Variants in RAD51C observed in about 807,000 individuals in gnomAD.
RAD51C encodes DNA repair protein RAD51 homolog 3.
In RAD51C, 42 loss-of-function variants were observed where a neutral mutation model predicts 45.0. The observed-to-expected ratio is 0.93, with a 90% CI of 0.73 to 1.21. RAD51C has a LOEUF of 1.21. RAD51C is among the 50% of genes most tolerant of loss of function. RAD51C has a pLI of 0.00. For missense variants in RAD51C, 474 were observed against 452.2 expected, an observed-to-expected ratio of 1.05 and a Z score of -0.44; for synonymous variants, 172 against 159.8, an observed-to-expected ratio of 1.08 and a Z score of -0.58.
intron 7 of RAD51C, among the ~76,000 whole-genome samples, chr17:58,731,038 G>T (rs1391504629): frequency 6.6e-6 from 1 of 151,958 alleles, no homozygotes; most frequent in African/African-American, 2.4e-5. Context: ...TATAATACTT[G>T]TTCTGATGTG....
intron 4 of RAD51C, among the ~76,000 whole-genome samples, chr17:58,708,793 C>T (rs2048457325): frequency 6.6e-6 from 1 of 152,026 alleles, no homozygotes; most frequent in Non-Finnish European, 1.5e-5. Flanking sequence ...TGGTCTCAAA[C>T]TCCTGACCTC....
At chr17:58,729,181 A>G (rs1197204853) in intron 7 of RAD51C, among the ~76,000 whole-genome samples, 2 of 152,246 alleles carry the variant, frequency 1.3e-5, no homozygotes, top group Non-Finnish European at 1.5e-5. Flanking sequence ...TAAAAGTGGT[A>G]TTTTTACCTA....
chr17:58,696,626 T>C (rs565731640), intron 2 of RAD51C, 67 bp from the exon 3 acceptor site: 300 of 1,594,432 alleles, frequency 1.9e-4, no homozygotes, highest in Middle Eastern at 5.0e-4. Context: ...TGTCATTATC[T>C]GGAGTTCAAA....
intron 6 of RAD51C, among the ~76,000 whole-genome samples, chr17:58,721,272 ACT>A (rs2048909168): frequency 6.6e-6 from 1 of 151,926 alleles, no homozygotes; most frequent in African/African-American, 2.4e-5. Flanking sequence ...ACAGAGTAAG[ACT>A]CTCTCAAAAA....
chr17:58,692,891 T>G, intron 1 of RAD51C, 103 bp downstream of exon 1: 1 of 1,543,514 alleles, frequency 6.5e-7, no homozygotes, highest in Non-Finnish European at 8.9e-7. Flanking sequence ...CGTTAGATTC[T>G]GCTTCCTCCC....
chr17:58,698,209 G>T lies in RAD51C; in HGVS notation c.571+1350G>T, dbSNP rs1346319611. ...TTTTTTTTTTTTTTTTTGAGACAGG[G>T]TCTCACTCTGTCGCCCAGGCTAGAG... On this transcript the variant is annotated intron_variant, in intron 3 of 8. Coordinates refer to ENST00000337432, the MANE Select transcript of RAD51C (RefSeq NM_058216.3). 3.7e-5 allele frequency among the ~76,000 whole-genome samples: 5 copies of T among 136,588 alleles called. No homozygotes were observed. In the East Asian group the frequency reaches 1.1e-3, roughly 30 times the overall value. 89.6% of individuals were successfully genotyped at this position (136,588 alleles called of 152,430 possible).
chr17:58,710,367 A>G (rs1340756300), intron 5 of RAD51C, among the ~76,000 whole-genome samples: 3 of 149,466 alleles, frequency 2.0e-5, no homozygotes, highest in Non-Finnish European at 3.0e-5. Flanking sequence ...GTGTGGTGGC[A>G]TGCCCCTGTA....
At chr17:58,733,742 G>A (rs923228115) in intron 8 of RAD51C, among the ~76,000 whole-genome samples, 1 of 151,718 alleles carries the variant, frequency 6.6e-6, no homozygotes, top group Non-Finnish European at 1.5e-5. Context: ...TTTTTGAGAC[G>A]AAGTCTCACT....
intron 5 of RAD51C, among the ~76,000 whole-genome samples, chr17:58,717,178 G>A (rs916638794): frequency 3.3e-5 from 5 of 152,070 alleles, no homozygotes; most frequent in Non-Finnish European, 7.4e-5. Context: ...AGGCCAAGGT[G>A]GGAGGATCAC....
chr17:58,720,893 C>T (rs568826590), intron 6 of RAD51C, 81 bp downstream of exon 6: 76 of 1,179,050 alleles, frequency 6.4e-5, no homozygotes, highest in African/African-American at 5.6e-4. Context: ...GAGTACTATA[C>T]GCTTCATGAA....
At position 58,695,110 on chromosome 17, in the gene RAD51C, G is replaced by T. The variant is rs778313181; in HGVS notation, c.325G>T (p.Asp109Tyr). The change falls in exon 2 of 9, where the codon GAT becomes TAT. Residue 109 changes from aspartate to tyrosine, a missense_variant. Asp to Tyr is a radical substitution (Grantham distance 160). Coordinates refer to ENST00000337432, the MANE Select transcript of RAD51C (RefSeq NM_058216.3). ...FIITFCSALD[D>Y]ILGGGVPLMK... ...AATCACCTTCTGTTCAGCACTAGATGATATTCTTGGGGGTGGAGTGCCCTT... is the reference window on the plus strand; with the variant it reads ...AATCACCTTCTGTTCAGCACTAGATTATATTCTTGGGGGTGGAGTGCCCTT... 1 of 1,614,128 alleles carries T rather than the reference G, an allele frequency of 6.2e-7. No homozygotes were observed. Among genetic ancestry groups the T allele is most frequent in the Non-Finnish European group, 8.5e-7 (1 of 1,180,026 alleles).
intron 4 of RAD51C, among the ~76,000 whole-genome samples, chr17:58,708,464 G>A (rs939578938): frequency 7.2e-5 from 11 of 151,864 alleles, no homozygotes; most frequent in Admixed American, 5.3e-4. Context: ...TAGGAAAGGA[G>A]GTGTCAATTA....
upstream of RAD51C, chr17:58,692,578 C>G: frequency 6.3e-7 from 1 of 1,594,226 alleles, no homozygotes; most frequent in Admixed American, 1.8e-5. Context: ...CGTCTGACGT[C>G]ACGCCGCACG....
At chr17:58,705,485 C>T (rs2143821679) in intron 4 of RAD51C, among the ~76,000 whole-genome samples, 1 of 152,142 alleles carries the variant, frequency 6.6e-6, no homozygotes, top group South Asian at 2.1e-4. Flanking sequence ...AGGCGCATGC[C>T]ACCACGCCTG....
intron 4 of RAD51C, among the ~76,000 whole-genome samples, chr17:58,707,542 C>CAGA (rs1439012791): frequency 6.6e-6 from 1 of 151,650 alleles, no homozygotes; most frequent in African/African-American, 2.4e-5. Context: ...AAAGCCTCAC[C>CAGA]AGAATTGCCC....
chr17:58,708,117 A>G (rs1308820808), intron 4 of RAD51C, among the ~76,000 whole-genome samples: 1 of 152,168 alleles, frequency 6.6e-6, no homozygotes, highest in Non-Finnish European at 1.5e-5. Context: ...CAACCTGTGC[A>G]CATATTCCCA....
At chr17:58,702,188 G>A (rs926393952) in intron 3 of RAD51C, among the ~76,000 whole-genome samples, 6 of 151,368 alleles carry the variant, frequency 4.0e-5, no homozygotes, top group African/African-American at 1.2e-4. Context: ...CAGAGATGGG[G>A]TTTTCCATGT....
rs12946397 is a variant in RAD51C, at chr17:58,692,618, C to G, written c.-26C>G. ...AGCGAGGGCGTGCGGAGTTTGGCTG[C>G]TCCGGGGTTAGCAGGTGAGCCTGCG... is the stretch of plus-strand genomic sequence containing the variant. On this transcript the variant is annotated 5_prime_UTR_variant, in exon 1 of 9. Coordinates refer to ENST00000337432, the MANE Select transcript of RAD51C (RefSeq NM_058216.3). 6.2e-7 allele frequency: 1 copy of G among 1,613,010 alleles called. No individual in the cohort carries two copies. The highest frequency in any genetic ancestry group is 1.8e-4 in the Middle Eastern group (1 of 5,604).
rs2049019457 is a variant in RAD51C at position 58,724,027 on chromosome 17, T to G, written c.905-13T>G. ...GTAAGGCCATATACAGTTATTATGT[T>G]TTTTACTCTCAGGGGAAAGTTGGGG... On this transcript the variant is annotated splice_polypyrimidine_tract_variant and intron_variant, in intron 6 of 8. Transcript: ENST00000337432. The G allele has an allele frequency of 6.2e-7, 1 of 1,607,904 alleles. No individual in the cohort carries two copies. The highest frequency in any genetic ancestry group is 1.1e-5 in the South Asian group (1 of 90,948).
Sources: gnomAD v4.1 joint callset for allele counts (sites outside exome capture counted in the v4.1 genomes callset) on GRCh38, gnomAD v4.1.1 for gene constraint, MANE v1.5 for transcripts, NCBI Gene and HGNC (gene_info 2026-07-23, HGNC 2026-07-21) for gene names.